CFAP97: variants seen among roughly 807,000 people sequenced by gnomAD.
CFAP97 encodes cilia and flagella associated protein 97.
In CFAP97, 36 loss-of-function variants were observed where a neutral mutation model predicts 43.1. That is an observed-to-expected ratio of 0.84 (90% CI 0.64 to 1.10). CFAP97 has a LOEUF of 1.10. Among genes scored for constraint, CFAP97 ranks in the 50% least tolerant of loss-of-function variants. The pLI, the probability that CFAP97 is intolerant of heterozygous loss-of-function variation, is 0.00. For synonymous variants in CFAP97, 228 were observed against 225.7 expected (o/e 1.01, Z -0.09); for missense variants, 657 against 620.3 (o/e 1.06, Z -0.63).
chr4:185,208,848 A>G (rs1451263659), upstream of CFAP97, among the ~76,000 whole-genome samples: 2 of 152,268 alleles, frequency 1.3e-5, no homozygotes, highest in Non-Finnish European at 2.9e-5. Flanking sequence ...TTTAAGTAGC[A>G]TATTGGCATC....
At chr4:185,205,453 C>CA (rs1161922728), upstream of CFAP97, among the ~76,000 whole-genome samples, 550 of 127,350 alleles carry the variant, frequency 4.3e-3, 2 homozygotes, top group South Asian at 0.013. Flanking sequence ...GACTGTGTCT[C>CA]AAAAAAAAAA....
Position 185,160,740 on chromosome 4 carries a change from T to C in CFAP97, c.*2058A>G, listed in dbSNP as rs2111300935. ...AGTACAGTTGTTATTTATAAAACTA[T>C]TGTGTTGTATCCTGACATGTGGCAA... On this transcript the variant is annotated 3_prime_UTR_variant, in exon 5 of 5. Transcript: ENST00000458385. The C allele has an allele frequency of 4.6e-5, 7 of 151,614 alleles. 1 individual carries two copies. In the Middle Eastern group the frequency reaches 0.017, roughly 373 times the overall value. The allele number at this position is 151,614 out of a possible 1,614,324, so 9.4% of individuals were successfully genotyped here.
Position 185,190,313 on chromosome 4 carries a change from A to T in CFAP97, c.884T>A (p.Val295Asp). 6.2e-7 allele frequency: 1 copy of T among 1,605,540 alleles called. No individual in the cohort carries two copies. Among genetic ancestry groups the T allele is most frequent in the Non-Finnish European group, 8.5e-7 (1 of 1,175,002 alleles). Reference sequence around the variant, plus strand: ...TTTTGAATTATTTTTCAAATCCTCAACATCTTCATATATTTCTTGGCTCAC... The same window carrying T: ...TTTTGAATTATTTTTCAAATCCTCATCATCTTCATATATTTCTTGGCTCAC... ...ENVSQEIYED[V>D]EDLKNNSKYL... The change falls in exon 2 of 5, where the codon GTT becomes GAT. Residue 295 changes from valine to aspartate, a missense_variant. By Grantham distance (152) the Val-to-Asp change is radical. Transcript: ENST00000458385.
At chr4:185,193,890 A>T (rs1736419727) in intron 1 of CFAP97, among the ~76,000 whole-genome samples, 1 of 151,692 alleles carries the variant, frequency 6.6e-6, no homozygotes, top group Non-Finnish European at 1.5e-5. Flanking sequence ...TCCATCTGAT[A>T]AATAAATAAA....
At chr4:185,203,660 G>C (rs1201083748) in intron 1 of CFAP97, 1 of 152,150 alleles carries the variant, frequency 6.6e-6, no homozygotes, top group African/African-American at 2.4e-5. Flanking sequence ...CGGAACGCGC[G>C]AGAGGGCGGG....
chr4:185,185,633 C>CTTT (rs376786641), intron 2 of CFAP97, among the ~76,000 whole-genome samples: 187 of 105,950 alleles, frequency 1.8e-3, no homozygotes, highest in Non-Finnish European at 2.1e-3. Context: ...ATTTGCCAAC[C>CTTT]TTTTTTTTTT....
In CFAP97 at chr4:185,162,835, C is replaced by G; in HGVS notation, c.1562G>C (p.Arg521Thr). The G allele has an allele frequency of 6.2e-7, 1 of 1,612,836 alleles. No individual in the cohort carries two copies. The highest frequency in any genetic ancestry group is 8.5e-7 in the Non-Finnish European group (1 of 1,179,480). The change falls in exon 5 of 5, where the codon AGA (arginine) becomes ACA (threonine). Residue 521 changes from arginine to threonine, a missense_variant. Coordinates refer to ENST00000458385, the MANE Select transcript of CFAP97 (RefSeq NM_020827.3). ...VDPSSGHPRR[R>T]PKPPNVRTAW... Reference sequence around the variant, plus strand: ...TGTACGGACATTAGGGGGTTTAGGTCTTCTTCGAGGGTGGCCACTGGAGGG... The same window carrying G: ...TGTACGGACATTAGGGGGTTTAGGTGTTCTTCGAGGGTGGCCACTGGAGGG...
intron 4 of CFAP97, 128 bp from the exon 5 acceptor site, chr4:185,163,053 G>A: frequency 2.8e-6 from 2 of 726,292 alleles, no homozygotes; most frequent in Non-Finnish European, 4.0e-6. Flanking sequence ...ATGCACTTCA[G>A]AATTCCCTGT....
Position 185,160,332 on chromosome 4 carries a change from A to T in CFAP97, c.*2466T>A, listed in dbSNP as rs1734833037. 1 of 152,158 alleles carries T rather than the reference A, an allele frequency of 6.6e-6. No homozygotes were observed. Among genetic ancestry groups the T allele is most frequent in the South Asian group, 2.1e-4 (1 of 4,828 alleles). The allele number at this position is 152,158 out of a possible 1,614,324, so 9.4% of individuals were successfully genotyped here. A position where few individuals can be genotyped will look rare whatever the true frequency, so the allele number is the denominator to read the frequency against. ...GGATTAGCATACTTTCTAGTTATAG[A>T]TGTAAATCTTCAAAGTACATATATT... is the stretch of plus-strand genomic sequence containing the variant. On this transcript the variant is annotated 3_prime_UTR_variant, in exon 5 of 5. Coordinates refer to ENST00000458385, the MANE Select transcript of CFAP97 (RefSeq NM_020827.3).
At chr4:185,169,418 G>C (rs1344404733) in intron 3 of CFAP97, 1 of 191,580 alleles carries the variant, frequency 5.2e-6, no homozygotes, top group Non-Finnish European at 9.6e-6. Context: ...TGTAAGACAT[G>C]CCTTGCTTCT....
intron 3 of CFAP97, among the ~76,000 whole-genome samples, chr4:185,166,284 A>G (rs767464380): frequency 1.8e-4 from 27 of 152,208 alleles, no homozygotes; most frequent in African/African-American, 6.0e-4. Flanking sequence ...TCCTGAAATC[A>G]TATCTTCTCT....
At chr4:185,168,223 T>C (rs544777842) in intron 3 of CFAP97, among the ~76,000 whole-genome samples, 3 of 152,066 alleles carry the variant, frequency 2.0e-5, no homozygotes, top group African/African-American at 7.2e-5. Context: ...AGAATGGTAA[T>C]GTACGGTTTA....
At chr4:185,188,532 C>T (rs142924209) in intron 2 of CFAP97, among the ~76,000 whole-genome samples, 122 of 152,026 alleles carry the variant, frequency 8.0e-4, no homozygotes, top group African/African-American at 2.7e-3. Flanking sequence ...TTTGCGGAGA[C>T]GGGGTTTTGC....
rs568342394 is a variant in CFAP97 at position 185,190,921 on chromosome 4, G to T, written c.276C>A (p.Phe92Leu). The change falls in exon 2 of 5, where the codon TTC becomes TTA. Residue 92 changes from phenylalanine to leucine, a missense_variant. Physicochemically the swap from Phe to Leu is conservative, Grantham distance 22. Coordinates refer to ENST00000458385, the MANE Select transcript of CFAP97 (RefSeq NM_020827.3). ...ENDVTQTVSS[F>L]SLPASSRSKK... is the part of the protein sequence containing the mutation. ...TTGATCTTGAAGAGGCTGGCAATGA[G>T]AAAGAACTTACAGTTTGTGTAACAT... is the stretch of plus-strand genomic sequence containing the variant. The T allele has an allele frequency of 6.2e-7, 1 of 1,613,686 alleles. No individual in the cohort carries two copies. Among genetic ancestry groups the T allele is most frequent in the African/African-American group, 1.3e-5 (1 of 75,030 alleles).
chr4:185,190,659 AG>A lies in CFAP97; in HGVS notation c.537del (p.Ser180HisfsTer10), dbSNP rs1736202585. 6.3e-7 allele frequency: 1 copy of A among 1,580,924 alleles called. No homozygotes were observed. The highest frequency in any genetic ancestry group is 2.3e-5 in the East Asian group (1 of 43,882). On this transcript the variant is annotated frameshift_variant, in exon 2 of 5. Transcript: ENST00000458385. LOFTEE classifies it high-confidence loss of function. ...CAATCTGTACCTGAACCTGAAGATG[AG>A]GAAGATAAAGAGGAGGAGGAAGAGG... ...VSSSSSSSLS[S>X]SSSGSGTDCL... is the part of the protein sequence containing the mutation.
rs1734889624 is a variant in CFAP97 at position 185,161,982 on chromosome 4, G to C, written c.*816C>G. On this transcript the variant is annotated 3_prime_UTR_variant, in exon 5 of 5. Coordinates refer to ENST00000458385, the MANE Select transcript of CFAP97 (RefSeq NM_020827.3). Reference sequence around the variant, plus strand: ...TTCATGCTGATAGTGCCATTTTACTGATTCAACAAATACTTGGTTTGCAAC... The same window carrying C: ...TTCATGCTGATAGTGCCATTTTACTCATTCAACAAATACTTGGTTTGCAAC... The C allele has an allele frequency of 6.6e-6, 1 of 152,150 alleles. No homozygotes were observed. The highest frequency in any genetic ancestry group is 2.4e-5 in the African/African-American group (1 of 41,434). 9.4% of individuals were successfully genotyped at this position (152,150 alleles called of 1,614,324 possible). A position where few individuals can be genotyped will look rare whatever the true frequency, so the allele number is the denominator to read the frequency against.
Position 185,190,450 on chromosome 4 carries a change from T to G in CFAP97, c.747A>C (p.Glu249Asp). 1 of 1,613,932 alleles carries G rather than the reference T, an allele frequency of 6.2e-7. No individual in the cohort carries two copies. Among genetic ancestry groups the G allele is most frequent in the Non-Finnish European group, 8.5e-7 (1 of 1,179,848 alleles). ...AGGGACTTACGTCAGTCACAGTATC[T>G]TCAGACTCCTCAGGGTAGTGGCCAC... ...PKCGHYPEES[E>D]DTVTDVSPLS... The change falls in exon 2 of 5, where the codon GAA becomes GAC. Residue 249 changes from glutamate (E) to aspartate (D), a missense_variant. Coordinates refer to ENST00000458385, the MANE Select transcript of CFAP97 (RefSeq NM_020827.3).
At chr4:185,163,797 C>A (rs976727294) in intron 4 of CFAP97, among the ~76,000 whole-genome samples, 2 of 152,086 alleles carry the variant, frequency 1.3e-5, no homozygotes, top group African/African-American at 4.8e-5. Flanking sequence ...ACCTAAGAAC[C>A]TACTGATATT....
chr4:185,178,997 T>TA (rs1394073020), intron 2 of CFAP97, among the ~76,000 whole-genome samples: 7 of 151,928 alleles, frequency 4.6e-5, no homozygotes, highest in Non-Finnish European at 7.4e-5. Flanking sequence ...AGAGGGGCGC[T>TA]AAAAAAATCA....
Sources: allele counts gnomAD v4.1 joint callset (sites outside exome capture counted in the v4.1 genomes callset), GRCh38; gene constraint gnomAD v4.1.1; transcripts MANE v1.5; gene names NCBI Gene and HGNC (gene_info 2026-07-23, HGNC 2026-07-21).